Variants in GLDC observed in about 807,000 individuals in gnomAD.
The protein encoded by GLDC is glycine dehydrogenase (decarboxylating), mitochondrial.
A neutral mutation model predicts 121.3 loss-of-function variants in GLDC; 104 were observed. That is an observed-to-expected ratio of 0.86 (90% CI 0.73 to 1.01). The LOEUF is 1.01. Ranked by LOEUF, GLDC falls within the 50% of genes least tolerant of loss-of-function variation. The pLI is 0.00. For synonymous variants in GLDC, 546 were observed against 480.6 expected, an observed-to-expected ratio of 1.14 and a Z score of -1.78; for missense variants, 1,429 against 1,306.6, an observed-to-expected ratio of 1.09 and a Z score of -1.44.
chr9:6,580,550 A>C (rs1818153945), intron 15 of GLDC, among the ~76,000 whole-genome samples: 1 of 152,140 alleles, frequency 6.6e-6, no homozygotes, highest in East Asian at 1.9e-4. Context: ...GACCTTGCCA[A>C]GCCAGCATTC....
chr9:6,639,582 G>A, intron 2 of GLDC: 3 of 744,888 alleles, frequency 4.0e-6, no homozygotes. Flanking sequence ...TGATGCTTTG[G>A]ATGTTGCCAA....
At chr9:6,604,210 T>C (rs1029526688) in intron 7 of GLDC, among the ~76,000 whole-genome samples, 8 of 152,194 alleles carry the variant, frequency 5.3e-5, no homozygotes, top group African/African-American at 1.4e-4. Context: ...AAACTCAGTG[T>C]GTACTTTGCA....
In GLDC at chr9:6,604,646, A is replaced by G. The variant is rs149133229; in HGVS notation, c.1000T>C (p.Phe334Leu). 1,212 of 1,613,774 alleles carry G rather than the reference A, an allele frequency of 7.5e-4. 2 individuals carry two copies. Among genetic ancestry groups the G allele is most frequent in the Non-Finnish European group, 9.9e-4 (1,169 of 1,180,020 alleles). The change falls in exon 7 of 25, where the codon TTT becomes CTT. Residue 334 changes from phenylalanine to leucine, a missense_variant. Transcript: ENST00000321612. ...LGYGGPHAAF[F>L]AVRESLVRMM... ...CTCACCAAGCTTTCTCGGACAGCAA[A>G]AAATGCTGCATGGGGTCCCCCATAG...
chr9:6,616,823 C>A (rs926183317), intron 3 of GLDC, among the ~76,000 whole-genome samples: 3 of 152,186 alleles, frequency 2.0e-5, no homozygotes, highest in Non-Finnish European at 4.4e-5. Context: ...TGTTCTCTAT[C>A]ATTTTGGCTG....
intron 17 of GLDC, among the ~76,000 whole-genome samples, chr9:6,557,471 G>A (rs1419229695): frequency 6.6e-6 from 1 of 152,132 alleles, no homozygotes; most frequent in African/African-American, 2.4e-5. Context: ...GCACACGCCT[G>A]TAGTCCCAGC....
At chr9:6,600,377 G>T (rs956165737) in intron 8 of GLDC, among the ~76,000 whole-genome samples, 1 of 111,198 alleles carries the variant, frequency 9.0e-6, no homozygotes, top group East Asian at 2.7e-4. Flanking sequence ...TCTGTCTCAA[G>T]AAAAAAAAAA....
At chr9:6,559,912 A>G (rs553950465) in intron 16 of GLDC, among the ~76,000 whole-genome samples, 1 of 152,330 alleles carries the variant, frequency 6.6e-6, no homozygotes, top group East Asian at 1.9e-4. Context: ...GACTGTCTAG[A>G]GTCCAGAGAT....
intron 7 of GLDC, 89 bp from the exon 8 acceptor site, chr9:6,602,294 T>G: frequency 1.2e-6 from 1 of 852,990 alleles, no homozygotes; most frequent in Non-Finnish European, 2.0e-6. Flanking sequence ...CTTCCCAGCT[T>G]GAAGTGAATT....
intron 15 of GLDC, chr9:6,585,100 G>C (rs1027674475): frequency 2.6e-5 from 4 of 152,192 alleles, no homozygotes; most frequent in Non-Finnish European, 5.9e-5. Context: ...ATCTGGGATT[G>C]TGATGTGGGC....
intron 2 of GLDC, among the ~76,000 whole-genome samples, chr9:6,631,350 C>T (rs1244160046): frequency 6.6e-6 from 1 of 152,186 alleles, no homozygotes; most frequent in African/African-American, 2.4e-5. Context: ...TGCAGCTCTT[C>T]CTGATCACCC....
intron 2 of GLDC, among the ~76,000 whole-genome samples, chr9:6,634,869 G>A (rs540053520): frequency 7.2e-5 from 11 of 152,156 alleles, no homozygotes; most frequent in African/African-American, 2.6e-4. Flanking sequence ...GAGGCACTCT[G>A]CAAAACACAG....
chr9:6,552,935 C>CCG (rs565837664), intron 20 of GLDC, among the ~76,000 whole-genome samples: 58 of 151,950 alleles, frequency 3.8e-4, no homozygotes, highest in Non-Finnish European at 7.2e-4. Flanking sequence ...TCTGGCCCCC[C>CCG]CCAAGAAATA....
At chr9:6,534,203 A>C (rs1817066750) in intron 24 of GLDC, 1 of 158,170 alleles carries the variant, frequency 6.3e-6, no homozygotes, top group Non-Finnish European at 1.4e-5. Flanking sequence ...AAAAAAAAAG[A>C]AAGAAAAAAA....
Position 6,639,668 on chromosome 9 carries a change from A to AAAAAAAATATATATATATATATATAT in GLDC, c.334+4945_334+4946insATATATATATATATATATATTTTTTT. On this transcript the variant is annotated intron_variant, in intron 2 of 24. Coordinates refer to ENST00000321612, the MANE Select transcript of GLDC (RefSeq NM_000170.3). ...ATATATCTTTTCACCATAAAAAAAA[A>AAAAAAAATATATATATATATATATAT]GTATATATATATATATATATGGACA... 54 of 250,544 alleles carry AAAAAAAATATATATATATATATATAT rather than the reference A, an allele frequency of 2.2e-4. No homozygotes were observed. In the African/African-American group the frequency reaches 2.3e-3, roughly 11 times the overall value. The allele number at this position is 250,544 out of a possible 1,614,324, so 15.5% of individuals were successfully genotyped here.
chr9:6,589,526 G>A (rs1818336447), intron 11 of GLDC, among the ~76,000 whole-genome samples: 1 of 152,038 alleles, frequency 6.6e-6, no homozygotes, highest in South Asian at 2.1e-4. Context: ...GGCCCTACTG[G>A]GCTCAATCCT....
intron 16 of GLDC, among the ~76,000 whole-genome samples, chr9:6,561,571 C>T (rs1817760616): frequency 6.6e-6 from 1 of 152,144 alleles, no homozygotes; most frequent in Non-Finnish European, 1.5e-5. Context: ...ATCACTTGAA[C>T]CCGGGAGGCG....
intron 21 of GLDC, among the ~76,000 whole-genome samples, chr9:6,549,035 C>T (rs1817454495): frequency 6.6e-6 from 1 of 152,178 alleles, no homozygotes; most frequent in Non-Finnish European, 1.5e-5. Flanking sequence ...GTCTGCCTCA[C>T]CATTGTGCCC....
At chr9:6,589,321 C>G in intron 11 of GLDC, 29 bp from the exon 12 acceptor site, 4 of 1,385,754 alleles carry the variant, frequency 2.9e-6, no homozygotes, top group Non-Finnish European at 3.1e-6. Context: ...GATGATAGGG[C>G]CAGAACTGTG....
chr9:6,566,776 A>G (rs925584012), intron 15 of GLDC, among the ~76,000 whole-genome samples: 5 of 152,258 alleles, frequency 3.3e-5, no homozygotes, highest in African/African-American at 1.2e-4. Context: ...AGATACAAAA[A>G]TTTAAACTTT....
Sources: gnomAD v4.1 joint callset for allele counts (sites outside exome capture counted in the v4.1 genomes callset) on GRCh38, gnomAD v4.1.1 for gene constraint, MANE v1.5 for transcripts, NCBI Gene and HGNC (gene_info 2026-07-23, HGNC 2026-07-21) for gene names.